SYTL1: variants seen among roughly 807,000 people sequenced by gnomAD.
SYTL1 encodes the protein synaptotagmin like 1.
SYTL1 carries 53 observed loss-of-function variants against 74.6 expected under a neutral mutation model. That is an observed-to-expected ratio of 0.71 (90% CI 0.57 to 0.89). The LOEUF is 0.89. Among genes scored for constraint, SYTL1 ranks in the 40% least tolerant of loss-of-function variants. The probability of loss-of-function intolerance (pLI) is 0.00; values close to 1 mark genes in which losing one functional copy is unlikely to be tolerated. For missense variants in SYTL1, 728 were observed against 768.7 expected, an observed-to-expected ratio of 0.95 and a Z score of 0.63; for synonymous variants, 329 against 324.9, an observed-to-expected ratio of 1.01 and a Z score of -0.14.
Position 27,345,518 on chromosome 1 carries a change from C to T in SYTL1, c.184C>T (p.Arg62Trp), listed in dbSNP as rs140755424. Residue 62 changes from arginine to tryptophan, a missense_variant, in exon 2 of 15, where the codon CGG (arginine) becomes TGG (tryptophan). Physicochemically the swap from Arg to Trp is moderately radical, Grantham distance 101 (BLOSUM62 -3). Transcript: ENST00000616558. The surrounding 1 kb of genome is among the most constrained non-coding windows in gnomAD (Gnocchi z 6.0). ...CCGCCTGCGCCAGCTGGAGGAGGGG[C>T]GGGTCAGGTAAGGCAGGGCAGACCC... ...DARLRQLEEG[R>W]VSKLRASVAD... The T allele has an allele frequency of 3.2e-6, 5 of 1,551,146 alleles. No homozygotes were observed. Among genetic ancestry groups the T allele is most frequent in the Middle Eastern group, 1.8e-4 (1 of 5,446 alleles).
chr1:27,349,297 G>A, intron 6 of SYTL1, 101 bp from the exon 7 acceptor site: 1 of 1,459,830 alleles, frequency 6.9e-7, no homozygotes, highest in Non-Finnish European at 9.1e-7. Context: ...GCAGCACCGG[G>A]GCCTGAATCT....
chr1:27,346,248 C>T (rs1284895162), intron 2 of SYTL1, among the ~76,000 whole-genome samples: 3 of 152,168 alleles, frequency 2.0e-5, no homozygotes, highest in African/African-American at 7.2e-5. Context: ...GTGACCCCTC[C>T]AGCCACTCAG....
chr1:27,353,414 C>G lies in SYTL1; in HGVS notation c.1475C>G (p.Ala492Gly). 6.2e-7 allele frequency: 1 copy of G among 1,611,008 alleles called. No individual in the cohort carries two copies. The highest frequency in any genetic ancestry group is 8.5e-7 in the Non-Finnish European group (1 of 1,179,110). ...FGPADLRQACAELSLWDHGAL... is the reference protein window; with the variant it reads ...FGPADLRQACGELSLWDHGAL... ...CCTGCTGACCTGCGCCAGGCTTGTG[C>G]CGAGCTCTCCCTCTGGGACCATGGG... Residue 492 changes from alanine (A) to glycine (G), a missense_variant, in exon 14 of 15, where the codon GCC (alanine) becomes GGC (glycine). Ala to Gly is a moderately conservative substitution (Grantham distance 60, BLOSUM62 0). Transcript: ENST00000616558.
intron 2 of SYTL1, among the ~76,000 whole-genome samples, chr1:27,346,431 C>T (rs544934190): frequency 2.6e-5 from 4 of 152,272 alleles, no homozygotes; most frequent in Admixed American, 6.5e-5. Flanking sequence ...CCATGCTCGT[C>T]GTCTGTAAAA....
intron 7 of SYTL1, 62 bp from the exon 8 acceptor site, chr1:27,349,590 C>T (rs780892511): frequency 3.9e-6 from 6 of 1,534,016 alleles, no homozygotes; most frequent in South Asian, 1.2e-5. Context: ...CGCCCGCGAC[C>T]CAGGGCGCTC....
At position 27,353,853 on chromosome 1, in the gene SYTL1, C is replaced by G. The variant is rs1303184385; in HGVS notation, c.*1C>G. 7.4e-6 allele frequency: 12 copies of G among 1,611,482 alleles called. No homozygotes were observed. Among genetic ancestry groups the G allele is most frequent in the Non-Finnish European group, 1.0e-5 (12 of 1,178,124 alleles). On this transcript the variant is annotated 3_prime_UTR_variant, in exon 15 of 15. Coordinates refer to ENST00000616558, the MANE Select transcript of SYTL1 (RefSeq NM_001193308.2). ...AACCAACCTGGCCCCCAGGACGTAG[C>G]CCCACCAAGCCTCTCTCTCTGGACC...
chr1:27,344,251 G>A (rs2014900619), intron 1 of SYTL1, among the ~76,000 whole-genome samples: 1 of 152,034 alleles, frequency 6.6e-6, no homozygotes, highest in South Asian at 2.1e-4. Context: ...TTAAAGGCAT[G>A]CACCACCATG....
rs752623466 is a variant in SYTL1 at position 27,350,820 on chromosome 1, G to A, written c.1032G>A (p.Gln344=). The change falls in exon 11 of 15, where the codon CAG becomes CAA. Residue 344 remains glutamine (Q), a synonymous_variant. Coordinates refer to ENST00000616558, the MANE Select transcript of SYTL1 (RefSeq NM_001193308.2). This position sits in a 1 kb window ranked among gnomAD's most constrained non-coding sequence, Gnocchi z 6.3. Reference sequence around the variant, plus strand: ...ACTCCGTCCCGCAGGCCGAGCTTCAGGGCCGCGTGCTGAGCCTGTCTGTGT... The same window carrying A: ...ACTCCGTCCCGCAGGCCGAGCTTCAAGGCCGCGTGCTGAGCCTGTCTGTGT... ...LRYSVPQAEL[Q]GRVLSLSVWH... The A allele has an allele frequency of 6.2e-7, 1 of 1,613,816 alleles. No homozygotes were observed. Among genetic ancestry groups the A allele is most frequent in the Non-Finnish European group, 8.5e-7 (1 of 1,180,018 alleles).
In SYTL1 at chr1:27,351,476, G is replaced by C; in HGVS notation, c.1264G>C (p.Gly422Arg). ...GSEGAGLPPS[G>R]ELHFWVKEAR... is the part of the protein sequence containing the mutation. Reference sequence around the variant, plus strand: ...CGCAGGCGCAGGACTGCCCCCGAGCGGGGAGCTGCACTTCTGGGTGAAGGA... The same window carrying C: ...CGCAGGCGCAGGACTGCCCCCGAGCCGGGAGCTGCACTTCTGGGTGAAGGA... The change falls in exon 13 of 15, where the codon GGG (glycine) becomes CGG (arginine). Residue 422 changes from glycine (G) to arginine (R), a missense_variant. Coordinates refer to ENST00000616558, the MANE Select transcript of SYTL1 (RefSeq NM_001193308.2). The surrounding 1 kb of genome is among the most constrained non-coding windows in gnomAD (Gnocchi z 5.0). 1 of 1,546,256 alleles carries C rather than the reference G, an allele frequency of 6.5e-7. No individual in the cohort carries two copies. Among genetic ancestry groups the C allele is most frequent in the Non-Finnish European group, 8.7e-7 (1 of 1,144,902 alleles).
Position 27,351,378 on chromosome 1 carries a change from A to G in SYTL1, c.1243+42A>G. 6.6e-7 allele frequency: 1 copy of G among 1,515,154 alleles called. No homozygotes were observed. Among genetic ancestry groups the G allele is most frequent in the Non-Finnish European group, 8.9e-7 (1 of 1,127,298 alleles). The allele number at this position is 1,515,154 out of a possible 1,614,324, so 93.9% of individuals were successfully genotyped here. ...GAGGCCAAGCTGGACACGCCCTGAA[A>G]AGCGGGAGACTCCAGTCCCCGGGTT... is the stretch of plus-strand genomic sequence containing the variant. On this transcript the variant is annotated intron_variant, in intron 12 of 14. Transcript: ENST00000616558. This position sits in a 1 kb window ranked among gnomAD's most constrained non-coding sequence, Gnocchi z 5.0.
rs1006268790 is a variant in SYTL1, at chr1:27,348,425, A to T, written c.459+413A>T. 1.3e-5 allele frequency among the ~76,000 whole-genome samples: 2 copies of T among 150,518 alleles called. No individual in the cohort carries two copies. The highest frequency in any genetic ancestry group is 4.9e-5 in the African/African-American group (2 of 40,890). Reference sequence around the variant, plus strand: ...CCCCCATGTCTATAAAAAATAAATAAAAAAAAAAGGCCGGTCGTGGCAGCT... The same window carrying T: ...CCCCCATGTCTATAAAAAATAAATATAAAAAAAAGGCCGGTCGTGGCAGCT... On this transcript the variant is annotated intron_variant, in intron 5 of 14. Transcript: ENST00000616558. This position sits in a 1 kb window ranked among gnomAD's most constrained non-coding sequence, Gnocchi z 4.1.
In SYTL1 at chr1:27,349,511, G is replaced by A; in HGVS notation, c.633+13G>A. ...CCAGCAAGCCCAGGTAGGCGGGAGT[G>A]GCCCGTGGCTGCTCTCAACATCCGG... On this transcript the variant is annotated intron_variant, in intron 7 of 14. Coordinates refer to ENST00000616558, the MANE Select transcript of SYTL1 (RefSeq NM_001193308.2). 2 of 1,454,828 alleles carry A rather than the reference G, an allele frequency of 1.4e-6. No homozygotes were observed. Among genetic ancestry groups the A allele is most frequent in the Admixed American group, 5.5e-5 (2 of 36,546 alleles). The allele number at this position is 1,454,828 out of a possible 1,614,324, so 90.1% of individuals were successfully genotyped here.
rs768794628 is a variant in SYTL1 at position 27,351,338 on chromosome 1, TGA to T, written c.1243+4_1243+5del. 2 of 1,547,820 alleles carry T rather than the reference TGA, an allele frequency of 1.3e-6. No homozygotes were observed. The highest frequency in any genetic ancestry group is 2.7e-5 in the African/African-American group (2 of 73,350). ...AGTACGTCCCCGCCGGCTCCGAGGG[TGA>T]GTGACAGCCGGAGAGGCCAAGCTGG... is the stretch of plus-strand genomic sequence containing the variant. On this transcript the variant is annotated splice_donor_region_variant and intron_variant, in intron 12 of 14. Transcript: ENST00000616558. The surrounding 1 kb of genome is among the most constrained non-coding windows in gnomAD (Gnocchi z 5.0).
At position 27,350,101 on chromosome 1, in the gene SYTL1, C is replaced by G; in HGVS notation, c.877C>G (p.Leu293Val). The change falls in exon 9 of 15, where the codon CTG (leucine) becomes GTG (valine). Residue 293 changes from leucine to valine, a missense_variant. Leu to Val is a conservative substitution (Grantham distance 32). Coordinates refer to ENST00000616558, the MANE Select transcript of SYTL1 (RefSeq NM_001193308.2). The surrounding 1 kb of genome is among the most constrained non-coding windows in gnomAD (Gnocchi z 6.3). Reference sequence around the variant, plus strand: ...CGTGCACGTGATCCAGTGCCAGGGCCTGGCCGCCGCCCGGCGCCGCCGCTC... The same window carrying G: ...CGTGCACGTGATCCAGTGCCAGGGCGTGGCCGCCGCCCGGCGCCGCCGCTC... ...LRVHVIQCQGLAAARRRRSDP... is the reference protein window; with the variant it reads ...LRVHVIQCQGVAAARRRRSDP... 1.4e-6 allele frequency: 2 copies of G among 1,408,496 alleles called. No individual in the cohort carries two copies. Among genetic ancestry groups the G allele is most frequent in the Non-Finnish European group, 1.8e-6 (2 of 1,087,752 alleles). The allele number at this position is 1,408,496 out of a possible 1,614,324, so 87.2% of individuals were successfully genotyped here.
Position 27,345,073 on chromosome 1 carries a change from G to T in SYTL1, c.-38-224G>T. The T allele has an allele frequency of 3.2e-6, 1 of 313,684 alleles. No individual in the cohort carries two copies. The highest frequency in any genetic ancestry group is 5.9e-6 in the Non-Finnish European group (1 of 170,406). The allele number at this position is 313,684 out of a possible 1,614,324, so 19.4% of individuals were successfully genotyped here. On this transcript the variant is annotated intron_variant, in intron 1 of 14. Coordinates refer to ENST00000616558, the MANE Select transcript of SYTL1 (RefSeq NM_001193308.2). This position sits in a 1 kb window ranked among gnomAD's most constrained non-coding sequence, Gnocchi z 6.0. ...GTCCTGTGTGGCCCTACCTCAGGGT[G>T]TGTGCATGTGTGTCTCTTGCTTCTT... is the stretch of plus-strand genomic sequence containing the variant.
chr1:27,347,342 C>A lies in SYTL1; in HGVS notation c.192-79C>A. On this transcript the variant is annotated intron_variant, in intron 2 of 14. Transcript: ENST00000616558. The surrounding 1 kb of genome is among the most constrained non-coding windows in gnomAD (Gnocchi z 4.9). ...TGCTGTTGGGTCCCTGGCCCCTGGT[C>A]CCAAGCCTGTTAACAATGTAGGTGG... The A allele has an allele frequency of 6.3e-7, 1 of 1,597,406 alleles. No homozygotes were observed. The highest frequency in any genetic ancestry group is 1.3e-5 in the African/African-American group (1 of 74,842).
Position 27,351,632 on chromosome 1 carries a change from A to C in SYTL1, c.1343+77A>C. On this transcript the variant is annotated intron_variant, in intron 13 of 14. Transcript: ENST00000616558. The surrounding 1 kb of genome is among the most constrained non-coding windows in gnomAD (Gnocchi z 5.0). ...GCCCAACCTCCACAAACCCTTACTA[A>C]TCAACCTTTGATCACGCAGCCTGGG... 11 of 947,174 alleles carry C rather than the reference A, an allele frequency of 1.2e-5. No homozygotes were observed. Among genetic ancestry groups the C allele is most frequent in the South Asian group, 1.7e-5 (1 of 57,722 alleles). 58.7% of individuals were successfully genotyped at this position (947,174 alleles called of 1,614,324 possible). A position where few individuals can be genotyped will look rare whatever the true frequency, so the allele number is the denominator to read the frequency against.
intron 2 of SYTL1, among the ~76,000 whole-genome samples, chr1:27,346,770 T>A (rs544120214): frequency 4.7e-5 from 7 of 149,854 alleles, no homozygotes; most frequent in East Asian, 2.0e-4. Context: ...CAAAAAAAAA[T>A]AATAAAATTA....
rs1401822342 is a variant in SYTL1, at chr1:27,350,045, T to TGCACTACGAGCC, written c.823_834dup (p.His275_Pro278dup). The TGCACTACGAGCC allele has an allele frequency of 8.5e-6, 13 of 1,528,284 alleles. No individual in the cohort carries two copies. Among genetic ancestry groups the TGCACTACGAGCC allele is most frequent in the Non-Finnish European group, 1.1e-5 (13 of 1,147,432 alleles). 94.7% of individuals were successfully genotyped at this position (1,528,284 alleles called of 1,614,324 possible). A position where few individuals can be genotyped will look rare whatever the true frequency, so the allele number is the denominator to read the frequency against. On this transcript the variant is annotated inframe_insertion, in exon 9 of 15. Coordinates refer to ENST00000616558, the MANE Select transcript of SYTL1 (RefSeq NM_001193308.2). The surrounding 1 kb of genome is among the most constrained non-coding windows in gnomAD (Gnocchi z 6.3). ...GTCCGCGGCTCCGTGCACTTCGCGCTGCACTACGAGCCGGGCGCCGCCGAG... is the reference window on the plus strand; with the variant it reads ...GTCCGCGGCTCCGTGCACTTCGCGCTGCACTACGAGCCGCACTACGAGCCGGGCGCCGCCGAG...
Sources: allele counts gnomAD v4.1 joint callset (sites outside exome capture counted in the v4.1 genomes callset), GRCh38; gene constraint gnomAD v4.1.1; non-coding constraint Gnocchi (gnomAD v3.1); transcripts MANE v1.5; gene names NCBI Gene and HGNC (gene_info 2026-07-23, HGNC 2026-07-21).